NECAB3: variants seen among roughly 807,000 people sequenced by gnomAD.
The protein encoded by NECAB3 is N-terminal EF-hand calcium binding protein 3, also known as N-terminal EF-hand calcium-binding protein 3.
In NECAB3, 38 loss-of-function variants were observed where a neutral mutation model predicts 57.2. That is an observed-to-expected ratio of 0.66 (90% CI 0.51 to 0.87). The LOEUF is 0.87. NECAB3 is among the 40% of genes least tolerant of loss of function. The probability of loss-of-function intolerance (pLI) is 0.00; values close to 1 mark genes in which losing one functional copy is unlikely to be tolerated. For synonymous variants in NECAB3, 223 were observed against 222.6 expected, an observed-to-expected ratio of 1.00 and a Z score of -0.02; for missense variants, 474 against 527.5, an observed-to-expected ratio of 0.90 and a Z score of 0.99.
intron 5 of NECAB3, chr20:33,667,493 G>T: frequency 6.7e-7 from 1 of 1,482,226 alleles, no homozygotes. Context: ...GTGCCCGCGT[G>T]CCACATGGCT....
At chr20:33,668,391 C>T in intron 5 of NECAB3, 1 of 1,033,662 alleles carries the variant, frequency 9.7e-7, no homozygotes, top group Non-Finnish European at 1.3e-6. Context: ...TATTTGGGAC[C>T]CATGGGACCC....
chr20:33,673,168 C>A (rs1249492815), intron 1 of NECAB3, among the ~76,000 whole-genome samples: 1 of 152,110 alleles, frequency 6.6e-6, no homozygotes, highest in African/African-American at 2.4e-5. Context: ...CAAGACAGGT[C>A]CCCGTCTCTC....
At chr20:33,668,169 C>T in intron 5 of NECAB3, 1 of 1,612,294 alleles carries the variant, frequency 6.2e-7, no homozygotes, top group Non-Finnish European at 8.5e-7. Context: ...CCTTCCAGCG[C>T]CGCTGGATAA....
Position 33,674,416 on chromosome 20 carries a change from G to T in NECAB3, c.-64C>A. 2 of 1,103,186 alleles carry T rather than the reference G, an allele frequency of 1.8e-6. No homozygotes were observed. Among genetic ancestry groups the T allele is most frequent in the Non-Finnish European group, 2.2e-6 (2 of 906,328 alleles). 68.3% of individuals were successfully genotyped at this position (1,103,186 alleles called of 1,614,324 possible). On this transcript the variant is annotated 5_prime_UTR_variant, in exon 1 of 12. Transcript: ENST00000246190. ...CGACCCTGGACGCCGCGGCGGACTC[G>T]GTGTGGCTAGAGGCCGCCCCTTGGC... is the stretch of plus-strand genomic sequence containing the variant.
At position 33,660,013 on chromosome 20, in the gene NECAB3, G is replaced by A; in HGVS notation, c.525-10C>T. ...GCTCTCTGCATCTGACCTAGAGGAA[G>A]TGAGGCTCACAGGGCCGAGGACTGG... On this transcript the variant is annotated splice_polypyrimidine_tract_variant and intron_variant, in intron 6 of 11. Coordinates refer to ENST00000246190, the MANE Select transcript of NECAB3 (RefSeq NM_031232.4). The surrounding 1 kb of genome is among the most constrained non-coding windows in gnomAD (Gnocchi z 4.1). 6.4e-7 allele frequency: 1 copy of A among 1,574,316 alleles called. No homozygotes were observed. The highest frequency in any genetic ancestry group is 8.6e-7 in the Non-Finnish European group (1 of 1,162,036).
At chr20:33,672,510 C>T (rs2017848851) in intron 1 of NECAB3, 88 bp from the exon 2 acceptor site, 6 of 1,519,418 alleles carry the variant, frequency 3.9e-6, no homozygotes, top group Non-Finnish European at 5.5e-6. Context: ...CCCAGCTGGC[C>T]GACCTACCCC....
chr20:33,670,340 G>A, intron 3 of NECAB3: 1 of 259,606 alleles, frequency 3.9e-6, no homozygotes, highest in Non-Finnish European at 7.4e-6. Flanking sequence ...AGCACACAAG[G>A]GGTAGATGGT....
At chr20:33,663,828 G>A (rs1275439773) in intron 5 of NECAB3, 4 of 1,413,230 alleles carry the variant, frequency 2.8e-6, no homozygotes, top group South Asian at 1.5e-5. Flanking sequence ...CCGAGGAGCA[G>A]CCGCGCAAAC....
chr20:33,661,839 C>T (rs1308718855), intron 5 of NECAB3, among the ~76,000 whole-genome samples: 1 of 152,128 alleles, frequency 6.6e-6, no homozygotes, highest in South Asian at 2.1e-4. Context: ...TTAGTAGAGA[C>T]GGGGTTTCAC....
rs759212469 is a variant in NECAB3, at chr20:33,659,715, C to T, written c.661G>A (p.Glu221Lys). ...SSDTGRSSEAEMQWRLQVNRL... is the reference protein window; with the variant it reads ...SSDTGRSSEAKMQWRLQVNRL... ...TTCACCTGGAGCCGCCACTGCATCT[C>T]GGCCTCTGAGCTGCGCCCTGTGTGT... The change falls in exon 8 of 12, where the codon GAG becomes AAG. Residue 221 changes from glutamate to lysine, a missense_variant. Glu to Lys is a moderately conservative substitution (Grantham distance 56). Coordinates refer to ENST00000246190, the MANE Select transcript of NECAB3 (RefSeq NM_031232.4). 9 of 1,603,820 alleles carry T rather than the reference C, an allele frequency of 5.6e-6. No homozygotes were observed. The highest frequency in any genetic ancestry group is 2.2e-5 in the East Asian group (1 of 44,580).
Position 33,660,477 on chromosome 20 carries a change from G to A in NECAB3, c.388-82C>T. On this transcript the variant is annotated intron_variant, in intron 5 of 11. Transcript: ENST00000246190. The surrounding 1 kb of genome is among the most constrained non-coding windows in gnomAD (Gnocchi z 4.1). ...TGGGTCCCCTGCCTCTTGCCCATCA[G>A]AGCAGCGGTGGCAGTGCCAAGAGCA... is the stretch of plus-strand genomic sequence containing the variant. 6.5e-7 allele frequency: 1 copy of A among 1,550,312 alleles called. No individual in the cohort carries two copies. The highest frequency in any genetic ancestry group is 8.8e-7 in the Non-Finnish European group (1 of 1,141,466).
intron 5 of NECAB3, chr20:33,668,421 GA>G: frequency 1.3e-6 from 1 of 767,306 alleles, no homozygotes; most frequent in African/African-American, 1.8e-5. Flanking sequence ...ACTGCAGTTT[GA>G]ATCTCCCCAA....
chr20:33,674,245 G>A lies in NECAB3; in HGVS notation c.108C>T (p.Ala36=). ...TCACGTCCTGGAAGAGCGTGTGTCC[G>A]GCGGGCCCCGGGTCGGGCGCGAGCT... ...HPQLAPDPGP[A]GHTLFQDVFR... Residue 36 remains alanine, a synonymous_variant, in exon 1 of 12, where the codon GCC becomes GCT. Coordinates refer to ENST00000246190, the MANE Select transcript of NECAB3 (RefSeq NM_031232.4). 1 of 1,239,576 alleles carries A rather than the reference G, an allele frequency of 8.1e-7. No individual in the cohort carries two copies. The allele number at this position is 1,239,576 out of a possible 1,614,324, so 76.8% of individuals were successfully genotyped here. A position where few individuals can be genotyped will look rare whatever the true frequency, so the allele number is the denominator to read the frequency against.
Position 33,657,838 on chromosome 20 carries a change from A to G in NECAB3, c.1182T>C (p.Asn394=). The change falls in exon 12 of 12, where the codon AAT becomes AAC. Residue 394 remains asparagine, a synonymous_variant. Coordinates refer to ENST00000246190, the MANE Select transcript of NECAB3 (RefSeq NM_031232.4). Reference sequence around the variant, plus strand: ...CGTGTGCAGGTCTGGCTCAGTTGTTATTCATTATCCACCAGGAGGCTGGGG... The same window carrying G: ...CGTGTGCAGGTCTGGCTCAGTTGTTGTTCATTATCCACCAGGAGGCTGGGG... ...VFFPASWWIM[N]NN is the part of the protein sequence containing the mutation. The G allele has an allele frequency of 6.5e-7, 1 of 1,540,228 alleles. No homozygotes were observed. Among genetic ancestry groups the G allele is most frequent in the Non-Finnish European group, 8.8e-7 (1 of 1,140,726 alleles).
At chr20:33,662,374 C>T in intron 5 of NECAB3, 3 of 1,551,446 alleles carry the variant, frequency 1.9e-6, no homozygotes, top group Non-Finnish European at 2.6e-6. Context: ...CACAAAAGGA[C>T]CAAAGCACCC....
At chr20:33,663,861 G>A (rs781014497) in intron 5 of NECAB3, 204 of 1,394,394 alleles carry the variant, frequency 1.5e-4, no homozygotes, top group Admixed American at 2.9e-4. Context: ...CTCGCCCGCA[G>A]CTTTAAACGC....
intron 5 of NECAB3, among the ~76,000 whole-genome samples, chr20:33,661,706 AGCG>A (rs1568894324): frequency 6.6e-6 from 1 of 152,238 alleles, no homozygotes; most frequent in Non-Finnish European, 1.5e-5. Context: ...GCTGGAGTGA[AGCG>A]GCATGATCTT....
At chr20:33,663,766 C>T (rs2017567528) in intron 5 of NECAB3, 2 of 1,391,122 alleles carry the variant, frequency 1.4e-6, no homozygotes, top group Admixed American at 2.8e-5. Context: ...CTGGCCGCGG[C>T]TGCTCTCGCG....
intron 5 of NECAB3, 102 bp downstream of exon 5, chr20:33,669,273 C>T (rs748657821): frequency 1.6e-6 from 2 of 1,235,692 alleles, no homozygotes; most frequent in Non-Finnish European, 1.2e-6. Flanking sequence ...GAACCCAAGC[C>T]CCTAGCTCTA....
Sources: allele counts gnomAD v4.1 joint callset (sites outside exome capture counted in the v4.1 genomes callset), GRCh38; gene constraint gnomAD v4.1.1; non-coding constraint Gnocchi (gnomAD v3.1); transcripts MANE v1.5; gene names NCBI Gene and HGNC (gene_info 2026-07-23, HGNC 2026-07-21).